GALNT16: variants seen among roughly 807,000 people sequenced by gnomAD.
The protein encoded by GALNT16 is polypeptide N-acetylgalactosaminyltransferase 16.
Under a neutral mutation model 76.1 loss-of-function variants are expected in GALNT16, and 40 were observed. That is an observed-to-expected ratio of 0.53 (90% CI 0.41 to 0.68). GALNT16 has a LOEUF of 0.68. GALNT16 is among the 30% of genes least tolerant of loss of function. GALNT16 has a pLI of 0.00. For missense variants in GALNT16, 621 were observed against 731.9 expected (o/e 0.85, Z 1.75); for synonymous variants, 276 against 285.2 (o/e 0.97, Z 0.32).
chr14:69,371,254 A>AT, the GALNT16 span, among the ~76,000 whole-genome samples: 12 of 151,568 alleles, frequency 7.9e-5, no homozygotes, highest in East Asian at 1.9e-4. Flanking sequence ...ATTAATAGTA[A>AT]TTTTTTTATT....
chr14:69,322,459 T>C (rs545762055), intron 2 of GALNT16, among the ~76,000 whole-genome samples: 1 of 152,360 alleles, frequency 6.6e-6, no homozygotes, highest in South Asian at 2.1e-4. Context: ...TACCTGACTC[T>C]GAACCGCCTC....
chr14:69,329,292 G>A (rs1268859643), intron 6 of GALNT16, among the ~76,000 whole-genome samples: 3 of 152,132 alleles, frequency 2.0e-5, no homozygotes, highest in African/African-American at 7.2e-5. Flanking sequence ...GGGAGGCAGA[G>A]GTTGCAGTGA....
chr14:69,383,314 T>G, the GALNT16 span, among the ~76,000 whole-genome samples: 63 of 152,334 alleles, frequency 4.1e-4, no homozygotes, highest in African/African-American at 1.4e-3. Flanking sequence ...CATTTCCACC[T>G]ACGCTGTTTA....
At chr14:69,285,352 A>C (rs537038254) in intron 1 of GALNT16, among the ~76,000 whole-genome samples, 2 of 152,274 alleles carry the variant, frequency 1.3e-5, no homozygotes, top group African/African-American at 4.8e-5. Flanking sequence ...CAGCATGAGA[A>C]TGGACTAACA....
At chr14:69,269,570 GT>G (rs2044380927) in intron 1 of GALNT16, among the ~76,000 whole-genome samples, 1 of 147,180 alleles carries the variant, frequency 6.8e-6, no homozygotes, top group South Asian at 2.2e-4. Context: ...TGTGTATATA[GT>G]GTGTGTGTGT....
At chr14:69,359,828 C>T (rs1042354072), downstream of GALNT16, among the ~76,000 whole-genome samples, 2 of 151,520 alleles carry the variant, frequency 1.3e-5, no homozygotes, top group African/African-American at 4.9e-5. Context: ...AGATCGAGAC[C>T]ATCCTGGCTA....
At chr14:69,283,663 A>G (rs1327197083) in intron 1 of GALNT16, among the ~76,000 whole-genome samples, 1 of 152,220 alleles carries the variant, frequency 6.6e-6, no homozygotes, top group Non-Finnish European at 1.5e-5. Flanking sequence ...GTGTGACCTC[A>G]GGCAAGTTAC....
chr14:69,315,927 C>A lies in GALNT16; in HGVS notation c.178-4784C>A, dbSNP rs373865256. Among the ~76,000 whole-genome samples, 48 of 152,208 alleles carry A rather than the reference C, an allele frequency of 3.2e-4. 1 individual carries two copies. In the South Asian group the frequency reaches 1.0e-2, roughly 32 times the overall value. ...TCTCCATGTGATGGACAAGAAGATTCTCATTTTGCACGCTTGGCAGTGCTG... is the reference window on the plus strand; with the variant it reads ...TCTCCATGTGATGGACAAGAAGATTATCATTTTGCACGCTTGGCAGTGCTG... On this transcript the variant is annotated intron_variant, in intron 1 of 14. Transcript: ENST00000448469.
chr14:69,317,992 A>G (rs1032784484), intron 1 of GALNT16, among the ~76,000 whole-genome samples: 16 of 152,234 alleles, frequency 1.1e-4, no homozygotes, highest in African/African-American at 3.6e-4. Context: ...TTCAGAGGTC[A>G]TGGAATTGTG....
the GALNT16 span, among the ~76,000 whole-genome samples, chr14:69,371,619 T>C: frequency 6.6e-6 from 1 of 151,932 alleles, no homozygotes; most frequent in Non-Finnish European, 1.5e-5. Context: ...ATATAGAAAG[T>C]GTGCAAAACT....
At chr14:69,356,292 T>G (rs966630989), downstream of GALNT16, 1 of 152,222 alleles carries the variant, frequency 6.6e-6, no homozygotes, top group Non-Finnish European at 1.5e-5. Flanking sequence ...AATTCAGCCC[T>G]GTGAAGCGTG....
chr14:69,366,638 C>T, the GALNT16 span, among the ~76,000 whole-genome samples: 1 of 152,136 alleles, frequency 6.6e-6, no homozygotes, highest in African/African-American at 2.4e-5. Flanking sequence ...TGTTTATGAA[C>T]CTTAGTTAAT....
At position 69,347,738 on chromosome 14, in the gene GALNT16, A is replaced by T; in HGVS notation, c.1414-139A>T. On this transcript the variant is annotated intron_variant, in intron 13 of 14. Coordinates refer to ENST00000448469, the MANE Select transcript of GALNT16 (RefSeq NM_001168368.2). ...AGTAAGAATTATGCAGTGAATACCC[A>T]TACATCTACCCTAGCTCCTACAATT... 5.7e-6 allele frequency: 5 copies of T among 877,928 alleles called. No homozygotes were observed. In the South Asian group the frequency reaches 6.4e-5, roughly 11 times the overall value. 54.4% of individuals were successfully genotyped at this position (877,928 alleles called of 1,614,324 possible). A position where few individuals can be genotyped will look rare whatever the true frequency, so the allele number is the denominator to read the frequency against.
At chr14:69,306,838 C>A (rs1236425896) in intron 1 of GALNT16, among the ~76,000 whole-genome samples, 1 of 152,176 alleles carries the variant, frequency 6.6e-6, no homozygotes, top group Non-Finnish European at 1.5e-5. Flanking sequence ...AAACGTACTG[C>A]CAGACTGTTT....
chr14:69,307,269 G>A (rs12435957), intron 1 of GALNT16, among the ~76,000 whole-genome samples: 23,155 of 152,114 alleles, frequency 0.15, 2,606 homozygotes, highest in East Asian at 0.43. Flanking sequence ...ACTTTTTCAC[G>A]TGACAAACGT....
chr14:69,262,278 C>T lies in GALNT16; in HGVS notation c.177+1811C>T, dbSNP rs114951756. Among the ~76,000 whole-genome samples, 480 of 152,280 alleles carry T rather than the reference C, an allele frequency of 3.2e-3. 3 individuals are homozygous for T. Among genetic ancestry groups the T allele is most frequent in the African/African-American group, 0.011 (455 of 41,554 alleles). ...TGCTCAGAGCCTCTGCTTTGGAACC[C>T]GGAACCTGAACCCTGACCTGGCCCA... On this transcript the variant is annotated intron_variant, in intron 1 of 14. Transcript: ENST00000448469.
chr14:69,380,654 G>A, the GALNT16 span: 1 of 1,507,682 alleles, frequency 6.6e-7, no homozygotes, highest in East Asian at 2.3e-5. Context: ...AGGAGAGAAA[G>A]GGAATAAGCA....
chr14:69,298,039 A>T (rs2044792925), intron 1 of GALNT16, among the ~76,000 whole-genome samples: 1 of 152,224 alleles, frequency 6.6e-6, no homozygotes, highest in African/African-American at 2.4e-5. Flanking sequence ...TAGCAACTGA[A>T]AAAACTAAGG....
At chr14:69,274,503 A>G (rs796317486) in intron 1 of GALNT16, among the ~76,000 whole-genome samples, 9 of 152,208 alleles carry the variant, frequency 5.9e-5, no homozygotes, top group African/African-American at 2.2e-4. Context: ...TTTCTCTCAT[A>G]TTGTTGGCAA....
Sources: gnomAD v4.1 joint callset for allele counts (sites outside exome capture counted in the v4.1 genomes callset) on GRCh38, gnomAD v4.1.1 for gene constraint, MANE v1.5 for transcripts, NCBI Gene and HGNC (gene_info 2026-07-23, HGNC 2026-07-21) for gene names.